The following ATP9B variants were observed in gnomAD, a reference collection of about 807,000 sequenced individuals.
ATP9B encodes ATPase phospholipid transporting 9B, also known as probable phospholipid-transporting ATPase IIB.
In ATP9B, 110 loss-of-function variants were observed where a neutral mutation model predicts 146.1. That is an observed-to-expected ratio of 0.75 (90% CI 0.65 to 0.88). The LOEUF is 0.88. Ranked by LOEUF, ATP9B falls within the 40% of genes least tolerant of loss-of-function variation. ATP9B has a pLI of 0.00. For missense variants in ATP9B, 1,499 were observed against 1,496.4 expected (o/e 1.00, Z -0.03); for synonymous variants, 604 against 569.7 (o/e 1.06, Z -0.86).
intron 7 of ATP9B, among the ~76,000 whole-genome samples, chr18:79,175,534 G>A (rs1023934057): frequency 6.6e-6 from 1 of 151,882 alleles, no homozygotes; most frequent in Non-Finnish European, 1.5e-5. Context: ...ACACACAGAG[G>A]CACACACATA....
At chr18:79,359,299 T>C (rs2096972849) in intron 25 of ATP9B, 55 bp from the exon 26 acceptor site, 1 of 1,358,598 alleles carries the variant, frequency 7.4e-7, no homozygotes, top group Non-Finnish European at 1.0e-6. Flanking sequence ...GGTCTGTTTC[T>C]AGCTGTGTGG....
chr18:79,167,405 C>G (rs1414866612), intron 7 of ATP9B, among the ~76,000 whole-genome samples: 2 of 152,118 alleles, frequency 1.3e-5, no homozygotes, highest in East Asian at 3.9e-4. Context: ...ATGATTGCAG[C>G]TCTCAGTGGA....
At chr18:79,209,948 T>G (rs1257571111) in intron 10 of ATP9B, among the ~76,000 whole-genome samples, 1 of 152,202 alleles carries the variant, frequency 6.6e-6, no homozygotes, top group Non-Finnish European at 1.5e-5. Flanking sequence ...TGAGAATTCC[T>G]TTTACTCTTA....
At chr18:79,075,377 T>C (rs868617038) in intron 1 of ATP9B, among the ~76,000 whole-genome samples, 90 of 152,336 alleles carry the variant, frequency 5.9e-4, no homozygotes, top group African/African-American at 2.1e-3. Context: ...CTGGGCTCAG[T>C]GATCGCCTTC....
Position 79,337,321 on chromosome 18 carries a change from CT to C in ATP9B, c.2156del (p.Leu719ProfsTer6). The C allele has an allele frequency of 1.2e-6, 2 of 1,614,126 alleles. No homozygotes were observed. Among genetic ancestry groups the C allele is most frequent in the Non-Finnish European group, 8.5e-7 (1 of 1,180,032 alleles). On this transcript the variant is annotated frameshift_variant, in exon 19 of 30. Coordinates refer to ENST00000426216, the MANE Select transcript of ATP9B (RefSeq NM_198531.5). LOFTEE classifies it high-confidence loss of function. Reference sequence around the variant, plus strand: ...CAAGCTGAGCATGCACGACAGGTCCCTCAAGGTGGCCGCGGTAGTCGAGAGC... The same window carrying C: ...CAAGCTGAGCATGCACGACAGGTCCCCAAGGTGGCCGCGGTAGTCGAGAGC... ...QAKLSMHDRS[L>X]KVAAVVESLE... is the part of the protein sequence containing the mutation.
intron 8 of ATP9B, among the ~76,000 whole-genome samples, chr18:79,188,651 T>A (rs1335212087): frequency 1.3e-5 from 2 of 152,216 alleles, no homozygotes; most frequent in African/African-American, 4.8e-5. Flanking sequence ...TAAAGAATCC[T>A]TCTAAGAATA....
At chr18:79,184,600 A>G (rs1056014105) in intron 8 of ATP9B, among the ~76,000 whole-genome samples, 5 of 152,138 alleles carry the variant, frequency 3.3e-5, no homozygotes, top group Admixed American at 3.3e-4. Flanking sequence ...GTTTTATCAT[A>G]GAGACATTCT....
At position 79,337,395 on chromosome 18, in the gene ATP9B, G is replaced by A. The variant is rs1427750251; in HGVS notation, c.2229G>A (p.Gln743=). ...ELLCLTGVED[Q]LQADVRPTLE... is the part of the protein sequence containing the mutation. ...TGTGCCTCACCGGCGTGGAGGACCAGCTGCAGGCAGACGTGCGGCCCACGC... is the reference window on the plus strand; with the variant it reads ...TGTGCCTCACCGGCGTGGAGGACCAACTGCAGGCAGACGTGCGGCCCACGC... The change falls in exon 19 of 30, where the codon CAG becomes CAA. Residue 743 remains glutamine (Q), a synonymous_variant. Transcript: ENST00000426216. 6 of 1,613,798 alleles carry A rather than the reference G, an allele frequency of 3.7e-6. No individual in the cohort carries two copies. In the African/African-American group the frequency reaches 4.0e-5, roughly 11 times the overall value.
At chr18:79,206,804 G>T in intron 9 of ATP9B, 133 bp from the exon 10 acceptor site, 2 of 707,620 alleles carry the variant, frequency 2.8e-6, no homozygotes, top group Non-Finnish European at 4.5e-6. Context: ...TCTAACGTCT[G>T]TTTTGCAGTG....
chr18:79,093,949 T>A (rs556246372), intron 1 of ATP9B, among the ~76,000 whole-genome samples: 31 of 152,262 alleles, frequency 2.0e-4, no homozygotes, highest in Non-Finnish European at 4.1e-4. Flanking sequence ...TGGCCATATT[T>A]CCCTGTTACT....
chr18:79,113,468 T>C (rs572903831), intron 4 of ATP9B, 114 bp downstream of exon 4: 4 of 664,192 alleles, frequency 6.0e-6, no homozygotes, highest in Non-Finnish European at 1.0e-5. Context: ...GGTGTTGTAG[T>C]GTTCACTGAA....
intron 13 of ATP9B, among the ~76,000 whole-genome samples, chr18:79,284,626 TTTA>T (rs1255311977): frequency 1.1e-4 from 17 of 152,160 alleles, no homozygotes; most frequent in Non-Finnish European, 1.8e-4. Context: ...TTTTAATTTT[TTTA>T]TTATTATTAT....
At chr18:79,339,820 G>A (rs547504412) in intron 19 of ATP9B, among the ~76,000 whole-genome samples, 8 of 152,226 alleles carry the variant, frequency 5.3e-5, no homozygotes, top group Admixed American at 1.3e-4. Flanking sequence ...TGTCATGATC[G>A]CAGTAGGAAG....
chr18:79,178,290 C>T (rs914765098), intron 8 of ATP9B, among the ~76,000 whole-genome samples: 3 of 152,104 alleles, frequency 2.0e-5, no homozygotes, highest in Non-Finnish European at 2.9e-5. Context: ...GTGTCCTTGC[C>T]GCCTTCAATG....
intron 5 of ATP9B, among the ~76,000 whole-genome samples, chr18:79,132,527 C>T (rs1210555433): frequency 6.6e-6 from 1 of 152,214 alleles, no homozygotes; most frequent in East Asian, 1.9e-4. Flanking sequence ...ATCCAGTGTT[C>T]TTTCAGCTGT....
At chr18:79,330,624 A>G (rs904353810) in intron 17 of ATP9B, among the ~76,000 whole-genome samples, 14 of 152,178 alleles carry the variant, frequency 9.2e-5, no homozygotes, top group African/African-American at 3.4e-4. Flanking sequence ...CATGTTAGCC[A>G]GGATGGTCTC....
chr18:79,084,170 T>A (rs1259074289), intron 1 of ATP9B, among the ~76,000 whole-genome samples: 1 of 151,938 alleles, frequency 6.6e-6, no homozygotes, highest in Non-Finnish European at 1.5e-5. Context: ...TTTTTTTTTT[T>A]GGAATATTCA....
intron 1 of ATP9B, among the ~76,000 whole-genome samples, chr18:79,071,854 TATC>T (rs2071866650): frequency 6.6e-6 from 1 of 151,788 alleles, no homozygotes; most frequent in African/African-American, 2.4e-5. Flanking sequence ...TGATGTGTCT[TATC>T]ATGGATTTCT....
At chr18:79,198,085 AT>A (rs1191029134) in intron 9 of ATP9B, among the ~76,000 whole-genome samples, 1 of 152,190 alleles carries the variant, frequency 6.6e-6, no homozygotes, top group Non-Finnish European at 1.5e-5. Context: ...GTCTTAGTAT[AT>A]TTTTTTAAAA....
Sources: gnomAD v4.1 joint callset for allele counts (sites outside exome capture counted in the v4.1 genomes callset) on GRCh38, gnomAD v4.1.1 for gene constraint, MANE v1.5 for transcripts, NCBI Gene and HGNC (gene_info 2026-07-23, HGNC 2026-07-21) for gene names.